HS6ST3: variants seen among roughly 807,000 people sequenced by gnomAD.
The protein encoded by HS6ST3 is heparan-sulfate 6-O-sulfotransferase 3.
HS6ST3 carries 12 observed loss-of-function variants against 36.7 expected under a neutral mutation model. The observed-to-expected ratio is 0.33, with a 90% CI of 0.21 to 0.53. HS6ST3 has a LOEUF of 0.53. Among genes scored for constraint, HS6ST3 ranks in the 20% least tolerant of loss-of-function variants. The pLI is 0.95. For missense variants in HS6ST3, 584 were observed against 640.9 expected, an observed-to-expected ratio of 0.91 and a Z score of 0.96; for synonymous variants, 240 against 257.5, an observed-to-expected ratio of 0.93 and a Z score of 0.65.
At chr13:96,376,817 T>C (rs370971802) in intron 1 of HS6ST3, among the ~76,000 whole-genome samples, 10 of 152,170 alleles carry the variant, frequency 6.6e-5, no homozygotes, top group African/African-American at 2.2e-4. Flanking sequence ...CTAGAAACTT[T>C]GTCTTTTAAA....
intron 1 of HS6ST3, among the ~76,000 whole-genome samples, chr13:96,159,977 C>T (rs886136675): frequency 6.6e-6 from 1 of 152,086 alleles, no homozygotes; most frequent in Non-Finnish European, 1.5e-5. Flanking sequence ...AGCCCCAGTT[C>T]TCTCATTTGT....
chr13:96,757,659 G>A (rs1051837618), intron 1 of HS6ST3, among the ~76,000 whole-genome samples: 13 of 152,022 alleles, frequency 8.6e-5, no homozygotes, highest in African/African-American at 2.2e-4. Flanking sequence ...TTGTAAGTTC[G>A]CTGAGAGTTT....
In HS6ST3 at chr13:96,679,172, G is replaced by A. The variant is rs528148197; in HGVS notation, c.708-153318G>A. On this transcript the variant is annotated intron_variant, in intron 1 of 1. Coordinates refer to ENST00000376705, the MANE Select transcript of HS6ST3 (RefSeq NM_153456.4). ...ATGCTTCTTATTTCAGTTCCACAAGGCAATATAATCTTCAGGTGGTGGTTG... is the reference window on the plus strand; with the variant it reads ...ATGCTTCTTATTTCAGTTCCACAAGACAATATAATCTTCAGGTGGTGGTTG... Among the ~76,000 whole-genome samples, 77 of 150,004 alleles carry A rather than the reference G, an allele frequency of 5.1e-4. 1 individual carries two copies. The highest frequency in any genetic ancestry group is 2.0e-3 in the Admixed American group (30 of 14,940).
intron 1 of HS6ST3, among the ~76,000 whole-genome samples, chr13:96,443,303 G>A (rs888489990): frequency 6.6e-6 from 1 of 151,970 alleles, no homozygotes; most frequent in East Asian, 1.9e-4. Context: ...GGCTGAGGCG[G>A]GCGGATCACA....
At chr13:96,310,899 G>A (rs1341070188) in intron 1 of HS6ST3, among the ~76,000 whole-genome samples, 1 of 152,024 alleles carries the variant, frequency 6.6e-6, no homozygotes, top group Non-Finnish European at 1.5e-5. Flanking sequence ...ACTGTCTGTT[G>A]CTTCCTACTA....
At chr13:96,245,505 C>A (rs1594729778) in intron 1 of HS6ST3, among the ~76,000 whole-genome samples, 1 of 152,228 alleles carries the variant, frequency 6.6e-6, no homozygotes, top group African/African-American at 2.4e-5. Context: ...TTTCCAGGGA[C>A]CTTATAGATG....
intron 1 of HS6ST3, among the ~76,000 whole-genome samples, chr13:96,751,957 T>A (rs894444997): frequency 2.6e-5 from 4 of 151,908 alleles, no homozygotes; most frequent in Non-Finnish European, 5.9e-5. Context: ...ACTCACAAAC[T>A]GTTCACTAAA....
intron 1 of HS6ST3, among the ~76,000 whole-genome samples, chr13:96,706,409 T>C (rs1594841122): frequency 9.4e-6 from 1 of 106,688 alleles, no homozygotes; most frequent in Non-Finnish European, 1.8e-5. Context: ...TAATAGAATA[T>C]ATTTTATATA....
At chr13:96,812,250 GT>G (rs1878330942) in intron 1 of HS6ST3, among the ~76,000 whole-genome samples, 1 of 152,130 alleles carries the variant, frequency 6.6e-6, no homozygotes, top group African/African-American at 2.4e-5. Context: ...AGTCATCCCT[GT>G]TCTTCAAATG....
intron 1 of HS6ST3, among the ~76,000 whole-genome samples, chr13:96,562,932 G>T (rs760620032): frequency 5.3e-5 from 8 of 151,892 alleles, no homozygotes; most frequent in Non-Finnish European, 8.8e-5. Context: ...ATGCTGAGAT[G>T]AGGGATCCAG....
intron 1 of HS6ST3, among the ~76,000 whole-genome samples, chr13:96,271,200 T>C (rs2054718084): frequency 6.6e-6 from 1 of 151,574 alleles, no homozygotes; most frequent in Admixed American, 6.6e-5. Flanking sequence ...GAATGTCGAG[T>C]TGGAAAGAGA....
intron 1 of HS6ST3, among the ~76,000 whole-genome samples, chr13:96,324,985 C>T (rs148765691): frequency 1.3e-5 from 2 of 152,262 alleles, no homozygotes; most frequent in East Asian, 3.9e-4. Flanking sequence ...TTGGGCATAA[C>T]ATTTTAGGAT....
intron 1 of HS6ST3, among the ~76,000 whole-genome samples, chr13:96,317,372 TTATA>T (rs57780978): frequency 0.27 from 13,751 of 51,680 alleles, 1,355 homozygotes; most frequent in East Asian, 0.46. Flanking sequence ...ATATATAAAA[TTATA>T]TATATATATA....
intron 1 of HS6ST3, among the ~76,000 whole-genome samples, chr13:96,637,341 C>T (rs947741352): frequency 6.6e-6 from 1 of 152,044 alleles, no homozygotes; most frequent in African/African-American, 2.4e-5. Flanking sequence ...TGTGTGGGTA[C>T]AGAAAGATTT....
rs139098799 is a variant in HS6ST3, at chr13:96,108,472, G to A, written c.707+16903G>A. ...CTTGTGATATTTTATTGCCCTTGAA[G>A]CATGTGATCTCTGTGACCCACACTT... On this transcript the variant is annotated intron_variant, in intron 1 of 1. Coordinates refer to ENST00000376705, the MANE Select transcript of HS6ST3 (RefSeq NM_153456.4). Among the ~76,000 whole-genome samples, 343 of 152,254 alleles carry A rather than the reference G, an allele frequency of 2.3e-3. 3 individuals carry two copies. The highest frequency in any genetic ancestry group is 8.0e-3 in the African/African-American group (332 of 41,536).
chr13:96,149,380 A>T (rs1004854798), intron 1 of HS6ST3, among the ~76,000 whole-genome samples: 9 of 152,172 alleles, frequency 5.9e-5, no homozygotes, highest in African/African-American at 1.9e-4. Flanking sequence ...TCATTTTTAT[A>T]GCATTTTTCA....
intron 1 of HS6ST3, among the ~76,000 whole-genome samples, chr13:96,196,111 A>C (rs2054311483): frequency 6.6e-6 from 1 of 152,130 alleles, no homozygotes; most frequent in African/African-American, 2.4e-5. Flanking sequence ...ATGTGAGTGA[A>C]AGTGAAGAGT....
chr13:96,287,068 C>T (rs1452484149), intron 1 of HS6ST3, among the ~76,000 whole-genome samples: 1 of 152,124 alleles, frequency 6.6e-6, no homozygotes, highest in Admixed American at 6.6e-5. Context: ...TCTGGAGGTC[C>T]TTGGAAGACA....
At chr13:96,665,036 G>A (rs1025821733) in intron 1 of HS6ST3, among the ~76,000 whole-genome samples, 1 of 152,220 alleles carries the variant, frequency 6.6e-6, no homozygotes, top group African/African-American at 2.4e-5. Context: ...GCTGGGCATG[G>A]TGGTGTATGC....
Sources: gnomAD v4.1 joint callset for allele counts (sites outside exome capture counted in the v4.1 genomes callset) on GRCh38, gnomAD v4.1.1 for gene constraint, MANE v1.5 for transcripts, NCBI Gene and HGNC (gene_info 2026-07-23, HGNC 2026-07-21) for gene names.